POU2F3: variants seen among roughly 807,000 people sequenced by gnomAD.
POU2F3 encodes the protein POU domain, class 2, transcription factor 3.
A neutral mutation model predicts 59.2 loss-of-function variants in POU2F3; 23 were observed. The observed-to-expected ratio is 0.39, with a 90% confidence interval of 0.28 to 0.55. The LOEUF (loss-of-function observed/expected upper bound fraction) is 0.55. Among genes scored for constraint, POU2F3 ranks in the 20% least tolerant of loss-of-function variants. The pLI is 0.66. For missense variants in POU2F3, 473 were observed against 544.5 expected, an observed-to-expected ratio of 0.87 and a Z score of 1.31; for synonymous variants, 190 against 214.6, an observed-to-expected ratio of 0.89 and a Z score of 1.00.
intron 1 of POU2F3, among the ~76,000 whole-genome samples, chr11:120,243,597 C>T (rs536079712): frequency 6.6e-6 from 1 of 152,210 alleles, no homozygotes; most frequent in East Asian, 1.9e-4. Context: ...GGAGCCTGGC[C>T]CCACCCCACA....
chr11:120,291,048 G>A (rs1437322769), intron 3 of POU2F3, among the ~76,000 whole-genome samples: 1 of 152,230 alleles, frequency 6.6e-6, no homozygotes, highest in Non-Finnish European at 1.5e-5. Context: ...GGAAATACAG[G>A]ATGCTGGCTC....
chr11:120,317,155 G>A, intron 11 of POU2F3, 74 bp from the exon 12 acceptor site: 1 of 1,563,508 alleles, frequency 6.4e-7, no homozygotes, highest in Admixed American at 1.7e-5. Flanking sequence ...ATTTGTGTCT[G>A]AGGGGCTATG....
At position 120,274,084 on chromosome 11, in the gene POU2F3, AAAGAAAGGAAGGAAGGAAGGAAGAAAGG is replaced by A. The variant is rs1342379862; in HGVS notation, c.132+4844_132+4871del. ...AAGAGAGAAAGAAAGAAAAAGAGAG[AAAGAAAGGAAGGAAGGAAGGAAGAAAGG>A]AAGGAAGGAAGGAAGGAAGGAAGGA... On this transcript the variant is annotated intron_variant, in intron 3 of 12. Transcript: ENST00000543440. Among the ~76,000 whole-genome samples, 985 of 130,664 alleles carry A rather than the reference AAAGAAAGGAAGGAAGGAAGGAAGAAAGG, an allele frequency of 7.5e-3. 14 individuals are homozygous for A. Among genetic ancestry groups the A allele is most frequent in the African/African-American group, 0.026 (842 of 31,812 alleles). The allele number at this position is 130,664 out of a possible 152,430, so 85.7% of individuals were successfully genotyped here. A position where few individuals can be genotyped will look rare whatever the true frequency, so the allele number is the denominator to read the frequency against.
In POU2F3 at chr11:120,309,427, C is replaced by A. The variant is rs755492289; in HGVS notation, c.909C>A (p.Asn303Lys). 2 of 1,613,188 alleles carry A rather than the reference C, an allele frequency of 1.2e-6. No individual in the cohort carries two copies. Among genetic ancestry groups the A allele is most frequent in the Non-Finnish European group, 8.5e-7 (1 of 1,179,300 alleles). Residue 303 changes from asparagine (N) to lysine (K), a missense_variant and splice_region_variant, in exon 10 of 13, where the codon AAC becomes AAA. By Grantham distance (94) the Asn-to-Lys change is moderately conservative. Coordinates refer to ENST00000543440, the MANE Select transcript of POU2F3 (RefSeq NM_014352.4). ...CTCTGTCCTTTCGGTGCCTATAGAACCCAAAACCCAGCTCGGAGGAGATCT... is the reference window on the plus strand; with the variant it reads ...CTCTGTCCTTTCGGTGCCTATAGAAACCAAAACCCAGCTCGGAGGAGATCT... Reference protein sequence around the residue: ...RLTLEKRFQDNPKPSSEEISM... With the variant: ...RLTLEKRFQDKPKPSSEEISM...
At chr11:120,240,420 AG>A (rs1183130525) in intron 1 of POU2F3, 49 bp downstream of exon 1, 1 of 1,343,506 alleles carries the variant, frequency 7.4e-7, no homozygotes, top group Non-Finnish European at 9.6e-7. Context: ...GCGCGTGGGC[AG>A]GGGTGAAGGA....
chr11:120,243,669 A>G (rs1938760339), intron 1 of POU2F3, among the ~76,000 whole-genome samples: 1 of 152,116 alleles, frequency 6.6e-6, no homozygotes, highest in South Asian at 2.1e-4. Flanking sequence ...TGTCTCAGGG[A>G]GTTTCGGTGT....
At chr11:120,266,286 T>G (rs1939824095) in intron 2 of POU2F3, among the ~76,000 whole-genome samples, 1 of 152,062 alleles carries the variant, frequency 6.6e-6, no homozygotes, top group Admixed American at 6.5e-5. Flanking sequence ...GCTGTCCATT[T>G]AAGTACATCC....
intron 10 of POU2F3, among the ~76,000 whole-genome samples, chr11:120,314,182 T>C (rs1941725495): frequency 6.6e-6 from 1 of 152,198 alleles, no homozygotes; most frequent in South Asian, 2.1e-4. Context: ...AGGCTCATTG[T>C]ATAAGGAAAA....
At chr11:120,297,267 C>T (rs1448746849) in intron 3 of POU2F3, among the ~76,000 whole-genome samples, 1 of 152,200 alleles carries the variant, frequency 6.6e-6, no homozygotes, top group Non-Finnish European at 1.5e-5. Context: ...GGGGTAGGCA[C>T]AAGCAGCACT....
In POU2F3 at chr11:120,318,573, A is replaced by C. The variant is rs533129636; in HGVS notation, c.*181A>C. The C allele has an allele frequency of 5.3e-5, 33 of 625,604 alleles. No individual in the cohort carries two copies. The African/African-American group carries it at 5.7e-4, about 11-fold the overall frequency. The allele number at this position is 625,604 out of a possible 1,614,324, so 38.8% of individuals were successfully genotyped here. Reference sequence around the variant, plus strand: ...CTCCGGAGATCCAAACTGTGATTGAACCAAGTGCAGACTCCTAATGCTCTT... The same window carrying C: ...CTCCGGAGATCCAAACTGTGATTGACCCAAGTGCAGACTCCTAATGCTCTT... On this transcript the variant is annotated 3_prime_UTR_variant, in exon 13 of 13. Transcript: ENST00000543440.
At chr11:120,313,968 C>A (rs953742695) in intron 10 of POU2F3, among the ~76,000 whole-genome samples, 1 of 152,118 alleles carries the variant, frequency 6.6e-6, no homozygotes, top group South Asian at 2.1e-4. Flanking sequence ...GAACCGTGAT[C>A]GTGCCATTGC....
chr11:120,250,348 A>T (rs1939045590), intron 2 of POU2F3: 1 of 152,216 alleles, frequency 6.6e-6, no homozygotes, highest in African/African-American at 2.4e-5. Flanking sequence ...CTGGGCTCAG[A>T]TGAAGAGCAT....
At chr11:120,238,827 TAAAAAAAA>T (rs56948018), upstream of POU2F3, among the ~76,000 whole-genome samples, 71 of 48,364 alleles carry the variant, frequency 1.5e-3, no homozygotes, top group Non-Finnish European at 1.6e-3. Flanking sequence ...AGACTCTGTC[TAAAAAAAA>T]AAAAAAAAAA....
Position 120,318,443 on chromosome 11 carries a change from A to G in POU2F3, c.*51A>G, listed in dbSNP as rs775786821. The stretch of plus-strand genomic sequence containing the variant: ...CTGGCCCTGTATTCCCCCTGGAAGG[A>G]AGGGAATCATGCCTTCTATATACAG... On this transcript the variant is annotated 3_prime_UTR_variant, in exon 13 of 13. Transcript: ENST00000543440. The G allele has an allele frequency of 2.7e-6, 4 of 1,509,198 alleles. No homozygotes were observed. The allele number at this position is 1,509,198 out of a possible 1,614,324, so 93.5% of individuals were successfully genotyped here. A position where few individuals can be genotyped will look rare whatever the true frequency, so the allele number is the denominator to read the frequency against.
intron 1 of POU2F3, among the ~76,000 whole-genome samples, chr11:120,241,858 G>T (rs578186669): frequency 2.0e-5 from 3 of 152,094 alleles, no homozygotes; most frequent in Non-Finnish European, 4.4e-5. Flanking sequence ...GGCCTCAGAG[G>T]ATATAGCAGA....
chr11:120,241,212 C>G (rs1010353027), intron 1 of POU2F3, among the ~76,000 whole-genome samples: 1 of 152,190 alleles, frequency 6.6e-6, no homozygotes, highest in Admixed American at 6.5e-5. Context: ...CGGTACCTGA[C>G]CTGGCCATTT....
chr11:120,236,673 C>G, upstream of POU2F3: 1 of 1,504,200 alleles, frequency 6.6e-7, no homozygotes, highest in South Asian at 1.2e-5. Flanking sequence ...AAACCGGTTT[C>G]ATGGAGTCTC....
At chr11:120,293,411 C>T (rs1258578048) in intron 3 of POU2F3, among the ~76,000 whole-genome samples, 2 of 152,122 alleles carry the variant, frequency 1.3e-5, no homozygotes, top group Admixed American at 6.5e-5. Context: ...CATTCCACCA[C>T]TTAGAATATA....
In POU2F3 at chr11:120,317,233, G is replaced by C; in HGVS notation, c.1140G>C (p.Thr380=). 2.5e-6 allele frequency: 4 copies of C among 1,614,062 alleles called. No individual in the cohort carries two copies. Among genetic ancestry groups the C allele is most frequent in the Non-Finnish European group, 2.5e-6 (3 of 1,179,986 alleles). ...PVHSTMPGTV[T]SSCSPGNNSR... ...TTTGCCTCTCCTTATCCTCAGTAAC[G>C]TCATCCTGTTCCCCTGGGAACAACA... The change falls in exon 12 of 13, where the codon ACG becomes ACC. Residue 380 remains threonine (T), a synonymous_variant. Transcript: ENST00000543440.
Sources: allele counts gnomAD v4.1 joint callset (sites outside exome capture counted in the v4.1 genomes callset), GRCh38; gene constraint gnomAD v4.1.1; transcripts MANE v1.5; gene names NCBI Gene and HGNC (gene_info 2026-07-23, HGNC 2026-07-21).